Variants in SEC14L1 observed in about 807,000 individuals in gnomAD.
The protein encoded by SEC14L1 is SEC14 like lipid binding 1.
Under a neutral mutation model 85.3 loss-of-function variants are expected in SEC14L1, and 48 were observed. The observed-to-expected ratio is 0.56, with a 90% confidence interval of 0.45 to 0.72. SEC14L1 has a LOEUF of 0.72. Ranked by LOEUF, SEC14L1 falls within the 30% of genes least tolerant of loss-of-function variation. SEC14L1 has a pLI of 0.00. For missense variants in SEC14L1, 682 were observed against 921.4 expected (o/e 0.74, Z 3.36); for synonymous variants, 391 against 355.5 (o/e 1.10, Z -1.12).
At chr17:77,199,711 A>T (rs146330392) in intron 8 of SEC14L1, among the ~76,000 whole-genome samples, 414 of 152,322 alleles carry the variant, frequency 2.7e-3, no homozygotes, top group African/African-American at 9.7e-3. Context: ...TTTGATGTTT[A>T]GGGAATTATT....
Position 77,200,304 on chromosome 17 carries a change from G to A in SEC14L1, c.820-180G>A, listed in dbSNP as rs578036506. On this transcript the variant is annotated intron_variant, in intron 8 of 16. Transcript: ENST00000436233. Reference sequence around the variant, plus strand: ...CCTGCTTCAGCCTCCGAGTAGCTGGGATTACAGGCATGCACCACCATGCCT... The same window carrying A: ...CCTGCTTCAGCCTCCGAGTAGCTGGAATTACAGGCATGCACCACCATGCCT... 2.1e-3 allele frequency among the ~76,000 whole-genome samples: 323 copies of A among 152,174 alleles called. 2 individuals carry two copies. Among genetic ancestry groups the A allele is most frequent in the Middle Eastern group, 3.4e-3 (1 of 294 alleles).
chr17:77,142,830 A>C lies in SEC14L1; in HGVS notation c.-31+80A>C, dbSNP rs934250160. 2.6e-5 allele frequency: 4 copies of C among 152,238 alleles called. No homozygotes were observed. In the East Asian group the frequency reaches 7.7e-4, roughly 29 times the overall value. 9.4% of individuals were successfully genotyped at this position (152,238 alleles called of 1,614,324 possible). A position where few individuals can be genotyped will look rare whatever the true frequency, so the allele number is the denominator to read the frequency against. On this transcript the variant is annotated intron_variant, in intron 2 of 16. Transcript: ENST00000436233. ...CAAGTCCAGGTGTGTTTTTAGAGCAATCCGTGTAGGCTGGCGCTAGAGAAT... is the reference window on the plus strand; with the variant it reads ...CAAGTCCAGGTGTGTTTTTAGAGCACTCCGTGTAGGCTGGCGCTAGAGAAT...
chr17:77,160,660 T>C (rs994744005), intron 3 of SEC14L1, among the ~76,000 whole-genome samples: 1 of 152,230 alleles, frequency 6.6e-6, no homozygotes, highest in African/African-American at 2.4e-5. Context: ...AAGATGTGTA[T>C]ACCTCCATTT....
At chr17:77,185,140 G>A (rs1975210713) in intron 3 of SEC14L1, 1 of 844,294 alleles carries the variant, frequency 1.2e-6, no homozygotes, top group South Asian at 5.4e-5. Flanking sequence ...ATGTTTTTTG[G>A]ACAAGGACTT....
At position 77,189,743 on chromosome 17, in the gene SEC14L1, C is replaced by T. The variant is rs1975436002; in HGVS notation, c.64-1060C>T. On this transcript the variant is annotated intron_variant, in intron 3 of 16. Coordinates refer to ENST00000436233, the MANE Select transcript of SEC14L1 (RefSeq NM_001143998.2). The stretch of plus-strand genomic sequence containing the variant: ...TTCTGGGTTCACGCCATTCTCCTGC[C>T]TCAGCCTCCTGAGTAGCTGGAACTA... 1.3e-5 allele frequency among the ~76,000 whole-genome samples: 2 copies of T among 152,192 alleles called. 1 individual carries two copies. The highest frequency in any genetic ancestry group is 4.1e-4 in the South Asian group (2 of 4,828).
chr17:77,143,567 G>T lies in SEC14L1; in HGVS notation c.-30G>T. 6.3e-7 allele frequency: 1 copy of T among 1,592,524 alleles called. No individual in the cohort carries two copies. The highest frequency in any genetic ancestry group is 8.6e-7 in the Non-Finnish European group (1 of 1,161,240). ...TATCACATATATTTATGTTTTGCAG[G>T]TGTGAGAGGGTTGCTGTTGTATTGC... On this transcript the variant is annotated splice_region_variant and 5_prime_UTR_variant, in exon 3 of 17. Coordinates refer to ENST00000436233, the MANE Select transcript of SEC14L1 (RefSeq NM_001143998.2).
At chr17:77,193,838 G>C (rs1356034014) in intron 6 of SEC14L1, among the ~76,000 whole-genome samples, 1 of 152,214 alleles carries the variant, frequency 6.6e-6, no homozygotes, top group Non-Finnish European at 1.5e-5. Flanking sequence ...CAGCCCCCAG[G>C]CCTTGCTGCA....
intron 9 of SEC14L1, among the ~76,000 whole-genome samples, chr17:77,202,620 A>G (rs984704497): frequency 8.6e-5 from 13 of 151,940 alleles, no homozygotes; most frequent in African/African-American, 2.2e-4. Flanking sequence ...TTCGTCTCAA[A>G]TAAAAAACAA....
At chr17:77,181,442 C>T (rs1456564510) in intron 3 of SEC14L1, among the ~76,000 whole-genome samples, 3 of 152,180 alleles carry the variant, frequency 2.0e-5, no homozygotes, top group African/African-American at 2.4e-5. Context: ...GACAGAGTTT[C>T]GCTCTTGTTG....
At position 77,214,657 on chromosome 17, in the gene SEC14L1, G is replaced by A. The variant is rs758608913; in HGVS notation, c.*634G>A. On this transcript the variant is annotated 3_prime_UTR_variant, in exon 17 of 17. Transcript: ENST00000436233. ...GCCGGGGGCTCAGGAGGGGCTCTCAGGGACTCCTGGTGACTCCAGGAAAAT... is the reference window on the plus strand; with the variant it reads ...GCCGGGGGCTCAGGAGGGGCTCTCAAGGACTCCTGGTGACTCCAGGAAAAT... The A allele has an allele frequency of 2.6e-5, 26 of 985,670 alleles. No homozygotes were observed. The highest frequency in any genetic ancestry group is 3.0e-5 in the Non-Finnish European group (25 of 830,198). The allele number at this position is 985,670 out of a possible 1,614,324, so 61.1% of individuals were successfully genotyped here. A position where few individuals can be genotyped will look rare whatever the true frequency, so the allele number is the denominator to read the frequency against.
Position 77,196,302 on chromosome 17 carries a change from C to T in SEC14L1, c.810C>T (p.His270=), listed in dbSNP as rs748227073. Residue 270 remains histidine, a synonymous_variant, in exon 8 of 17, where the codon CAC becomes CAT. Transcript: ENST00000436233. ...IRLRQWLQET[H]KGKIPKDEHI... is the part of the protein sequence containing the mutation. The stretch of plus-strand genomic sequence containing the variant: ...TTCGCCAGTGGCTCCAGGAGACCCA[C>T]AAGGGCAAAGTGAGTGTCAGCACCA... The T allele has an allele frequency of 1.9e-6, 3 of 1,610,370 alleles. No individual in the cohort carries two copies. The African/African-American group carries it at 4.0e-5, about 22-fold the overall frequency.
In SEC14L1 at chr17:77,200,814, T is replaced by C. The variant is rs568613471; in HGVS notation, c.1009+141T>C. ...CCTCACTCTGAGAATTTGGCACCTT[T>C]CCCAAGTTGAACAGACTGATACGTG... On this transcript the variant is annotated intron_variant, in intron 9 of 16. Transcript: ENST00000436233. 4.6e-4 allele frequency: 367 copies of C among 798,528 alleles called. 5 individuals are homozygous for C. The highest frequency in any genetic ancestry group is 4.3e-3 in the South Asian group (242 of 56,046). The allele number at this position is 798,528 out of a possible 1,614,324, so 49.5% of individuals were successfully genotyped here. A position where few individuals can be genotyped will look rare whatever the true frequency, so the allele number is the denominator to read the frequency against.
At position 77,214,382 on chromosome 17, in the gene SEC14L1, A is replaced by G. The variant is rs1976933243; in HGVS notation, c.*359A>G. 1.1e-5 allele frequency: 11 copies of G among 1,013,886 alleles called. No homozygotes were observed. The highest frequency in any genetic ancestry group is 1.7e-5 in the African/African-American group (1 of 58,014). 62.8% of individuals were successfully genotyped at this position (1,013,886 alleles called of 1,614,324 possible). The stretch of plus-strand genomic sequence containing the variant: ...CGAACTCCGCATTGTCCATTAGTGA[A>G]TGAATTCCTGTGACATCCTCCAGAG... On this transcript the variant is annotated 3_prime_UTR_variant, in exon 17 of 17. Transcript: ENST00000436233.
intron 3 of SEC14L1, among the ~76,000 whole-genome samples, chr17:77,161,347 C>T (rs1974043896): frequency 6.6e-6 from 1 of 152,150 alleles, no homozygotes; most frequent in African/African-American, 2.4e-5. Context: ...ATCAGCTGGG[C>T]ATGGTGGCAC....
chr17:77,183,258 C>T (rs1975118794), intron 3 of SEC14L1, among the ~76,000 whole-genome samples: 1 of 152,192 alleles, frequency 6.6e-6, no homozygotes, highest in African/African-American at 2.4e-5. Flanking sequence ...GAGTAATGCT[C>T]ATTTTTTAAA....
chr17:77,214,295 A>T lies in SEC14L1; in HGVS notation c.*272A>T. The T allele has an allele frequency of 8.1e-7, 1 of 1,237,410 alleles. No homozygotes were observed. Among genetic ancestry groups the T allele is most frequent in the South Asian group, 2.3e-5 (1 of 43,146 alleles). The allele number at this position is 1,237,410 out of a possible 1,614,324, so 76.7% of individuals were successfully genotyped here. On this transcript the variant is annotated 3_prime_UTR_variant, in exon 17 of 17. Coordinates refer to ENST00000436233, the MANE Select transcript of SEC14L1 (RefSeq NM_001143998.2). ...GCAAGGGCTCTCTTGAAAGAAAAGT[A>T]GTTTCTGTACCAATTAAAGGATTGA...
At chr17:77,202,633 A>C (rs905031136) in intron 9 of SEC14L1, among the ~76,000 whole-genome samples, 1 of 151,672 alleles carries the variant, frequency 6.6e-6, no homozygotes, top group Non-Finnish European at 1.5e-5. Flanking sequence ...AAAAACAAAA[A>C]AGGAGGCCCA....
chr17:77,181,371 C>T (rs1975028718), intron 3 of SEC14L1, among the ~76,000 whole-genome samples: 1 of 152,180 alleles, frequency 6.6e-6, no homozygotes. Context: ...TATTAATCAC[C>T]TTCTTTCTCA....
intron 3 of SEC14L1, among the ~76,000 whole-genome samples, chr17:77,155,071 T>G (rs1973745662): frequency 6.6e-6 from 1 of 152,216 alleles, no homozygotes; most frequent in African/African-American, 2.4e-5. Context: ...CATAGCTATC[T>G]GGCTCTCTTA....
Sources: gnomAD v4.1 joint callset for allele counts (sites outside exome capture counted in the v4.1 genomes callset) on GRCh38, gnomAD v4.1.1 for gene constraint, MANE v1.5 for transcripts, NCBI Gene and HGNC (gene_info 2026-07-23, HGNC 2026-07-21) for gene names.